Variants in CDC14B observed in about 807,000 individuals in gnomAD.
CDC14B encodes the protein dual specificity protein phosphatase CDC14B.
Under a neutral mutation model 64.2 loss-of-function variants are expected in CDC14B, and 22 were observed. That is an observed-to-expected ratio of 0.34 (90% confidence interval 0.24 to 0.49). The LOEUF is 0.49. Ranked by LOEUF, CDC14B falls within the 20% of genes least tolerant of loss-of-function variation. The probability of loss-of-function intolerance (pLI) is 0.99; values close to 1 mark genes in which losing one functional copy is unlikely to be tolerated. For synonymous variants in CDC14B, 191 were observed against 215.8 expected (o/e 0.89, Z 1.01); for missense variants, 498 against 629.9 (o/e 0.79, Z 2.24).
rs146380403 is a variant in CDC14B at position 96,609,181 on chromosome 9, C to T, written c.160+10038G>A. ...GTATCACCATGTTGACCAGGCTGGCCTTGAATTCCTGTCCTCCAGTAATCC... is the reference window on the plus strand; with the variant it reads ...GTATCACCATGTTGACCAGGCTGGCTTTGAATTCCTGTCCTCCAGTAATCC... On this transcript the variant is annotated intron_variant, in intron 1 of 13. Transcript: ENST00000375241. Among the ~76,000 whole-genome samples, 22 of 152,212 alleles carry T rather than the reference C, an allele frequency of 1.4e-4. No homozygotes were observed. In the East Asian group the frequency reaches 3.1e-3, roughly 21 times the overall value.
intron 1 of CDC14B, among the ~76,000 whole-genome samples, chr9:96,578,818 GT>G (rs1430179943): frequency 1.3e-5 from 2 of 152,036 alleles, no homozygotes; most frequent in African/African-American, 4.8e-5. Flanking sequence ...ATCAGTATTG[GT>G]TTCTTTTTCT....
chr9:96,610,274 T>C (rs1308056186), intron 1 of CDC14B, among the ~76,000 whole-genome samples: 1 of 152,154 alleles, frequency 6.6e-6, no homozygotes, highest in Non-Finnish European at 1.5e-5. Flanking sequence ...CTCAGCTCAC[T>C]GCAGGCTCTG....
intron 1 of CDC14B, among the ~76,000 whole-genome samples, chr9:96,617,395 G>C (rs765782653): frequency 5.9e-5 from 9 of 151,974 alleles, no homozygotes; most frequent in Non-Finnish European, 1.0e-4. Flanking sequence ...TTCATCAACA[G>C]GGACTGTCTA....
intron 3 of CDC14B, 79 bp downstream of exon 3, chr9:96,564,698 A>G: frequency 1.2e-6 from 1 of 809,864 alleles, no homozygotes; most frequent in Non-Finnish European, 2.0e-6. Context: ...TTTCCTTTTT[A>G]AAAAGAGATG....
At chr9:96,531,902 C>T (rs1475902434) in intron 9 of CDC14B, among the ~76,000 whole-genome samples, 1 of 151,938 alleles carries the variant, frequency 6.6e-6, no homozygotes, top group East Asian at 1.9e-4. Flanking sequence ...GCCTTCATTT[C>T]AACCTAAAAG....
chr9:96,519,153 A>G (rs1836257819), intron 12 of CDC14B, among the ~76,000 whole-genome samples: 1 of 152,190 alleles, frequency 6.6e-6, no homozygotes, highest in African/African-American at 2.4e-5. Flanking sequence ...AAAATAAAAA[A>G]TAAAAATAAA....
intron 1 of CDC14B, among the ~76,000 whole-genome samples, chr9:96,568,329 C>T (rs1203716931): frequency 6.6e-6 from 1 of 152,130 alleles, no homozygotes; most frequent in African/African-American, 2.4e-5. Flanking sequence ...AAGTAGTTTT[C>T]ATGGCAAAAG....
chr9:96,494,079 G>T (rs1438782215), intron 13 of CDC14B, among the ~76,000 whole-genome samples: 1 of 152,218 alleles, frequency 6.6e-6, no homozygotes, highest in African/African-American at 2.4e-5. Context: ...TTGCTTGAGA[G>T]CCTGGGAGCC....
At chr9:96,556,698 GC>G (rs1261637358) in intron 4 of CDC14B, among the ~76,000 whole-genome samples, 4 of 152,108 alleles carry the variant, frequency 2.6e-5, no homozygotes, top group African/African-American at 9.6e-5. Context: ...TAGTGAATTG[GC>G]CCTGGGAATT....
At chr9:96,514,835 A>G in intron 12 of CDC14B, 1 of 985,468 alleles carries the variant, frequency 1.0e-6, no homozygotes, top group Non-Finnish European at 1.2e-6. Flanking sequence ...CCTCTTGTAC[A>G]TTCTTCTGCA....
At chr9:96,512,340 T>G (rs890472064) in intron 12 of CDC14B, among the ~76,000 whole-genome samples, 2 of 151,194 alleles carry the variant, frequency 1.3e-5, no homozygotes, top group African/African-American at 4.9e-5. Context: ...TTTTTTTTTT[T>G]TTTAAGAGAC....
Position 96,501,339 on chromosome 9 carries a change from A to C in CDC14B, c.*2414T>G, listed in dbSNP as rs1833546231. On this transcript the variant is annotated 3_prime_UTR_variant, in exon 14 of 14. Transcript: ENST00000375241. The stretch of plus-strand genomic sequence containing the variant: ...TATTTAAGGCTCTTAGGTTAAGGGG[A>C]TCTCTCCATCTGACACACAGTTTCA... 2.0e-5 allele frequency: 3 copies of C among 152,270 alleles called. No homozygotes were observed. In the South Asian group the frequency reaches 6.2e-4, roughly 32 times the overall value. The allele number at this position is 152,270 out of a possible 1,614,324, so 9.4% of individuals were successfully genotyped here. A position where few individuals can be genotyped will look rare whatever the true frequency, so the allele number is the denominator to read the frequency against.
At chr9:96,564,644 A>T in intron 3 of CDC14B, 133 bp downstream of exon 3, 1 of 535,480 alleles carries the variant, frequency 1.9e-6, no homozygotes, top group Middle Eastern at 2.8e-4. Flanking sequence ...AAACAAGAAA[A>T]CCATGTGCAT....
At position 96,549,968 on chromosome 9, in the gene CDC14B, A is replaced by G. The variant is rs16911192; in HGVS notation, c.497+1828T>C. Among the ~76,000 whole-genome samples, 1,181 of 152,352 alleles carry G rather than the reference A, an allele frequency of 7.8e-3. 13 individuals carry two copies. The highest frequency in any genetic ancestry group is 0.027 in the African/African-American group (1,119 of 41,572). Reference sequence around the variant, plus strand: ...CATGGATCCTTCATTGCACAGTGCGAAATGTGTGAGCATGTTCCTATTTCA... The same window carrying G: ...CATGGATCCTTCATTGCACAGTGCGGAATGTGTGAGCATGTTCCTATTTCA... On this transcript the variant is annotated intron_variant, in intron 5 of 13. Transcript: ENST00000375241.
chr9:96,572,459 A>G (rs1343086156), intron 1 of CDC14B, among the ~76,000 whole-genome samples: 1 of 152,178 alleles, frequency 6.6e-6, no homozygotes, highest in African/African-American at 2.4e-5. Flanking sequence ...ACAGAAATCC[A>G]CACATATTAC....
chr9:96,524,527 C>G (rs1034999238), intron 9 of CDC14B, among the ~76,000 whole-genome samples: 4 of 152,192 alleles, frequency 2.6e-5, no homozygotes, highest in Admixed American at 6.5e-5. Context: ...TGGTGCTGGC[C>G]TGTCTTATCT....
downstream of CDC14B, among the ~76,000 whole-genome samples, chr9:96,498,519 G>T (rs776381322): frequency 6.6e-5 from 10 of 152,184 alleles, no homozygotes; most frequent in African/African-American, 2.4e-4. Flanking sequence ...TAGCTTCAGC[G>T]TGTGGGTCCC....
exon 14 of CDC14B, chr9:96,491,930 A>G (rs1355173721): frequency 6.6e-6 from 1 of 152,268 alleles, no homozygotes; most frequent in Non-Finnish European, 1.5e-5. Context: ...CCCTTTCTGG[A>G]TCGTGCCAGG....
At chr9:96,496,740 C>A (rs868184033), downstream of CDC14B, among the ~76,000 whole-genome samples, 11 of 152,372 alleles carry the variant, frequency 7.2e-5, no homozygotes, top group African/African-American at 2.6e-4. Context: ...GACCCGCTCC[C>A]GGGGAGCCCG....
Sources: allele counts gnomAD v4.1 joint callset (sites outside exome capture counted in the v4.1 genomes callset), GRCh38; gene constraint gnomAD v4.1.1; transcripts MANE v1.5; gene names NCBI Gene and HGNC (gene_info 2026-07-23, HGNC 2026-07-21).